LRRC49: variants seen among roughly 807,000 people sequenced by gnomAD.
LRRC49 encodes leucine-rich repeat-containing protein 49.
LRRC49 carries 50 observed loss-of-function variants against 83.3 expected under a neutral mutation model. That is an observed-to-expected ratio of 0.60 (90% CI 0.48 to 0.76). LRRC49 has a LOEUF of 0.76. LRRC49 is among the 30% of genes least tolerant of loss of function. The pLI is 0.00. For synonymous variants in LRRC49, 286 were observed against 283.3 expected, an observed-to-expected ratio of 1.01 and a Z score of -0.10; for missense variants, 704 against 809.1, an observed-to-expected ratio of 0.87 and a Z score of 1.58.
At chr15:70,987,061 A>T (rs1428501602) in intron 11 of LRRC49, among the ~76,000 whole-genome samples, 3 of 152,160 alleles carry the variant, frequency 2.0e-5, no homozygotes, top group Non-Finnish European at 4.4e-5. Flanking sequence ...GGATTTTTGC[A>T]TCAATGTTCA....
intron 8 of LRRC49, among the ~76,000 whole-genome samples, chr15:70,940,536 C>A (rs1355362651): frequency 6.6e-6 from 1 of 152,194 alleles, no homozygotes; most frequent in Non-Finnish European, 1.5e-5. Context: ...AGCCACTGCG[C>A]CGGCCTATAT....
At position 71,033,153 on chromosome 15, in the gene LRRC49, C is replaced by A. The variant is rs182596125; in HGVS notation, c.1704-4026C>A. On this transcript the variant is annotated intron_variant, in intron 14 of 15. Coordinates refer to ENST00000260382, the MANE Select transcript of LRRC49 (RefSeq NM_017691.5). ...AAAAGCTGCTTAAGCTGATAAGCAA[C>A]TTTTCAGCAGTCTCAGGATACAAAA... Among the ~76,000 whole-genome samples, 475 of 152,254 alleles carry A rather than the reference C, an allele frequency of 3.1e-3. 4 individuals are homozygous for A. The highest frequency in any genetic ancestry group is 0.01 in the Middle Eastern group (3 of 294).
At chr15:70,891,865 C>T (rs2033587055), upstream of LRRC49, 1 of 1,602,326 alleles carries the variant, frequency 6.2e-7, no homozygotes, top group Non-Finnish European at 8.5e-7. Flanking sequence ...CAGCCTGCTT[C>T]CCAGCTCGGG....
chr15:71,032,652 G>T (rs904429739), intron 14 of LRRC49, among the ~76,000 whole-genome samples: 1 of 152,060 alleles, frequency 6.6e-6, no homozygotes, highest in Admixed American at 6.6e-5. Context: ...ACATCAAAAA[G>T]CTTATTCAAC....
intron 11 of LRRC49, among the ~76,000 whole-genome samples, chr15:71,002,265 A>G (rs1346109842): frequency 6.6e-6 from 1 of 152,122 alleles, no homozygotes; most frequent in African/African-American, 2.4e-5. Flanking sequence ...CATAATGCCA[A>G]AAAAGTGGAT....
At chr15:70,992,021 C>A (rs1302445218) in intron 11 of LRRC49, among the ~76,000 whole-genome samples, 3 of 152,184 alleles carry the variant, frequency 2.0e-5, no homozygotes. Context: ...CACATGTAGA[C>A]CTTGTCAGCT....
At chr15:70,902,623 T>C (rs2034129126) in intron 4 of LRRC49, 1 of 152,288 alleles carries the variant, frequency 6.6e-6, no homozygotes, top group Non-Finnish European at 1.5e-5. Context: ...AGATCTGCCA[T>C]GCTGTGCAGC....
At chr15:71,006,105 A>G (rs2038448719) in intron 11 of LRRC49, among the ~76,000 whole-genome samples, 1 of 152,156 alleles carries the variant, frequency 6.6e-6, no homozygotes, top group Admixed American at 6.5e-5. Context: ...TTTTTACCAA[A>G]TGGGCATGTG....
chr15:70,911,598 GGTATT>G lies in LRRC49; in HGVS notation c.567+4_567+8del, dbSNP rs1290569441. The G allele has an allele frequency of 6.4e-7, 1 of 1,551,926 alleles. No homozygotes were observed. Among genetic ancestry groups the G allele is most frequent in the Non-Finnish European group, 8.7e-7 (1 of 1,144,598 alleles). On this transcript the variant is annotated splice_donor_variant and splice_donor_5th_base_variant and intron_variant, in intron 6 of 15. Coordinates refer to ENST00000260382, the MANE Select transcript of LRRC49 (RefSeq NM_017691.5). LOFTEE classifies it high-confidence loss of function. ...ATGTCTTGGATCTTCATGGAAATCAGGTATTGTAAAGCCCTTTCATTTCTTTCTTT... is the reference window on the plus strand; with the variant it reads ...ATGTCTTGGATCTTCATGGAAATCAGGTAAAGCCCTTTCATTTCTTTCTTT...
intron 9 of LRRC49, among the ~76,000 whole-genome samples, chr15:70,969,327 G>C (rs2036908548): frequency 6.6e-6 from 1 of 152,100 alleles, no homozygotes; most frequent in African/African-American, 2.4e-5. Flanking sequence ...GCTCTGTTCT[G>C]TTCCATTGGT....
chr15:70,902,455 G>A (rs771642520), intron 4 of LRRC49: 3 of 152,168 alleles, frequency 2.0e-5, no homozygotes, highest in Non-Finnish European at 2.9e-5. Context: ...CGCTTCAAAA[G>A]TTGGTTGTAA....
chr15:70,947,000 A>G (rs545115303), intron 8 of LRRC49, among the ~76,000 whole-genome samples: 73 of 152,270 alleles, frequency 4.8e-4, no homozygotes, highest in African/African-American at 1.7e-3. Flanking sequence ...GTTTAGGAAT[A>G]TCCTGGGAAG....
chr15:71,035,272 A>T (rs1016535001), intron 14 of LRRC49, among the ~76,000 whole-genome samples: 1 of 152,182 alleles, frequency 6.6e-6, no homozygotes, highest in African/African-American at 2.4e-5. Context: ...TATAATCTTA[A>T]TTTTTTACAA....
At chr15:70,995,194 T>C (rs1319665662) in intron 11 of LRRC49, among the ~76,000 whole-genome samples, 1 of 152,186 alleles carries the variant, frequency 6.6e-6, no homozygotes, top group Non-Finnish European at 1.5e-5. Context: ...CTAGGCGAGA[T>C]TTTTAAAGAA....
chr15:70,922,443 G>A (rs1596023689), intron 7 of LRRC49, among the ~76,000 whole-genome samples: 1 of 152,080 alleles, frequency 6.6e-6, no homozygotes, highest in Admixed American at 6.6e-5. Flanking sequence ...CATATCGCAT[G>A]TTCTCACTTA....
intron 2 of LRRC49, 27 bp from the exon 3 acceptor site, chr15:70,895,821 TA>T (rs1216029582): frequency 7.0e-6 from 10 of 1,431,466 alleles, no homozygotes; most frequent in Admixed American, 3.6e-5. Flanking sequence ...TGTCTCCAAA[TA>T]TTTTTTTCTT....
chr15:70,891,595 GT>G (rs1179115013), upstream of LRRC49, among the ~76,000 whole-genome samples: 4 of 151,224 alleles, frequency 2.6e-5, no homozygotes, highest in African/African-American at 9.7e-5. Context: ...GTGTGTGTGT[GT>G]GTGTGTGTGT....
At chr15:71,010,182 G>T (rs1310981424) in intron 13 of LRRC49, among the ~76,000 whole-genome samples, 190 bp downstream of exon 13, 1 of 151,872 alleles carries the variant, frequency 6.6e-6, no homozygotes, top group South Asian at 2.1e-4. Context: ...TAAATAAATT[G>T]TAAAAATAAA....
chr15:70,927,689 C>T (rs189581593), intron 7 of LRRC49, among the ~76,000 whole-genome samples: 2 of 152,092 alleles, frequency 1.3e-5, no homozygotes, highest in East Asian at 3.9e-4. Context: ...ACTCTGTTGC[C>T]CAGGTTGGAG....
Sources: gnomAD v4.1 joint callset for allele counts (sites outside exome capture counted in the v4.1 genomes callset) on GRCh38, gnomAD v4.1.1 for gene constraint, MANE v1.5 for transcripts, NCBI Gene and HGNC (gene_info 2026-07-23, HGNC 2026-07-21) for gene names.